Variants in CEACAM21 observed in about 807,000 individuals in gnomAD.
CEACAM21 encodes cell adhesion molecule CEACAM21.
Under a neutral mutation model 33.2 loss-of-function variants are expected in CEACAM21, and 38 were observed. The observed-to-expected ratio is 1.14, with a 90% CI of 0.88 to 1.50. The LOEUF (loss-of-function observed/expected upper bound fraction) is 1.50, where lower values mean the gene tolerates loss of function less well. Ranked by LOEUF, CEACAM21 falls within the 40% of genes most tolerant of loss-of-function variation. The pLI is 0.00. For synonymous variants in CEACAM21, 156 were observed against 143.0 expected (o/e 1.09, Z -0.65); for missense variants, 385 against 364.6 (o/e 1.06, Z -0.46).
chr19:41,552,641 G>GAATCA (rs2041284654), intron 1 of CEACAM21, among the ~76,000 whole-genome samples: 1 of 152,156 alleles, frequency 6.6e-6, no homozygotes, highest in South Asian at 2.1e-4. Context: ...TTTATCACAA[G>GAATCA]AATCATAGGG....
intron 1 of CEACAM21, among the ~76,000 whole-genome samples, chr19:41,550,918 T>A (rs1555784058): frequency 1.3e-5 from 2 of 152,214 alleles, no homozygotes; most frequent in East Asian, 3.8e-4. Flanking sequence ...TATGATGGAC[T>A]GAGCATCATG....
In CEACAM21 at chr19:41,577,464, A is replaced by G. The variant is rs1555791704; in HGVS notation, c.329A>G (p.Gln110Arg). ...TCACCCAGTGGAGATCTGCATTTCC[A>G]GAACGTCACCCTAGAGGACACGGGA... ...TISPSGDLHFQNVTLEDTGYY... is the reference protein window; with the variant it reads ...TISPSGDLHFRNVTLEDTGYY... The change falls in exon 2 of 7, where the codon CAG (glutamine) becomes CGG (arginine). Residue 110 changes from glutamine (Q) to arginine (R), a missense_variant. By Grantham distance (43) the Gln-to-Arg change is conservative. Coordinates refer to ENST00000401445, the MANE Select transcript of CEACAM21 (RefSeq NM_001098506.4). The G allele has an allele frequency of 3.7e-6, 6 of 1,613,616 alleles. No homozygotes were observed. Among genetic ancestry groups the G allele is most frequent in the Non-Finnish European group, 8.5e-7 (1 of 1,179,890 alleles).
At position 41,576,218 on chromosome 19, in the gene CEACAM21, C is replaced by T. The variant is rs375614286; in HGVS notation, c.-57C>T. On this transcript the variant is annotated 5_prime_UTR_variant, in exon 1 of 7. Coordinates refer to ENST00000401445, the MANE Select transcript of CEACAM21 (RefSeq NM_001098506.4). ...ACAGTCACAGTAACCCTGTCTAGAGCGTTCCTGGAGCCCAAGCTCCTCTCC... is the reference window on the plus strand; with the variant it reads ...ACAGTCACAGTAACCCTGTCTAGAGTGTTCCTGGAGCCCAAGCTCCTCTCC... The T allele has an allele frequency of 1.1e-5, 18 of 1,590,790 alleles. No individual in the cohort carries two copies. In the African/African-American group the frequency reaches 1.9e-4, roughly 17 times the overall value.
intron 2 of CEACAM21, among the ~76,000 whole-genome samples, chr19:41,570,724 C>T (rs943341332): frequency 6.6e-6 from 1 of 152,138 alleles, no homozygotes; most frequent in Non-Finnish European, 1.5e-5. Context: ...GCGTGGAGGG[C>T]TGGGGTTGTG....
chr19:41,585,609 G>T, intron 5 of CEACAM21, 114 bp downstream of exon 5: 1 of 1,256,466 alleles, frequency 8.0e-7, no homozygotes, highest in Non-Finnish European at 1.1e-6. Context: ...GCTGCAAAGA[G>T]GATCCCATAA....
rs180696273 is a variant in CEACAM21, at chr19:41,577,541, C to T, written c.406C>T (p.His136Tyr). Reference sequence around the variant, plus strand: ...AAATTCTCAGATTGAACAGGCATCTCACCATCTCCGTGTATACGGTGAGTG... The same window carrying T: ...AAATTCTCAGATTGAACAGGCATCTTACCATCTCCGTGTATACGGTGAGTG... ...YRNSQIEQASHHLRVYESVAQ... is the reference protein window; with the variant it reads ...YRNSQIEQASYHLRVYESVAQ... The change falls in exon 2 of 7, where the codon CAC becomes TAC. Residue 136 changes from histidine to tyrosine, a missense_variant. Transcript: ENST00000401445. 47 of 1,613,924 alleles carry T rather than the reference C, an allele frequency of 2.9e-5. No homozygotes were observed. In the East Asian group the frequency reaches 8.5e-4, roughly 29 times the overall value.
chr19:41,585,933 G>A, intron 6 of CEACAM21, 62 bp downstream of exon 6: 4 of 1,548,508 alleles, frequency 2.6e-6, no homozygotes, highest in Middle Eastern at 1.7e-4. Flanking sequence ...GCTCAGGGCA[G>A]GGGGACTGTC....
In CEACAM21 at chr19:41,577,240, G is replaced by C. The variant is rs782016215; in HGVS notation, c.105G>C (p.Trp35Cys). 6.2e-7 allele frequency: 1 copy of C among 1,614,038 alleles called. No homozygotes were observed. The highest frequency in any genetic ancestry group is 1.1e-5 in the South Asian group (1 of 91,074). ...TCTGGAACGCACCCACCACTGCCTG[G>C]CTCTTTATTGCATCAGCGCCCTTTG... ...LTFWNAPTTA[W>C]LFIASAPFEV... Residue 35 changes from tryptophan (W) to cysteine (C), a missense_variant, in exon 2 of 7, where the codon TGG becomes TGC. Coordinates refer to ENST00000401445, the MANE Select transcript of CEACAM21 (RefSeq NM_001098506.4).
chr19:41,562,032 G>T (rs1279356421), intron 1 of CEACAM21, among the ~76,000 whole-genome samples: 1 of 152,174 alleles, frequency 6.6e-6, no homozygotes, highest in Non-Finnish European at 1.5e-5. Flanking sequence ...GATCACCTGA[G>T]GTCAGGAGTT....
chr19:41,579,335 T>A lies in CEACAM21; in HGVS notation c.425-18T>A. 4.3e-6 allele frequency: 7 copies of A among 1,613,982 alleles called. No homozygotes were observed. The highest frequency in any genetic ancestry group is 5.9e-6 in the Non-Finnish European group (7 of 1,179,882). On this transcript the variant is annotated intron_variant, in intron 2 of 6. Transcript: ENST00000401445. Reference sequence around the variant, plus strand: ...AGCATGGCCCCAAGACACTTTCTGTTGGTCACTCTATCCACAGAGTCAGTG... The same window carrying A: ...AGCATGGCCCCAAGACACTTTCTGTAGGTCACTCTATCCACAGAGTCAGTG...
At position 41,584,454 on chromosome 19, in the gene CEACAM21, T is replaced by A; in HGVS notation, c.797+11T>A. ...CCGAAAAACTGGCAGGTACCACAGC[T>A]TTTCCCCATTCTGCTCCCATCCTTC... On this transcript the variant is annotated intron_variant, in intron 4 of 6. Transcript: ENST00000401445. 1 of 1,595,688 alleles carries A rather than the reference T, an allele frequency of 6.3e-7. No individual in the cohort carries two copies. The highest frequency in any genetic ancestry group is 8.5e-7 in the Non-Finnish European group (1 of 1,170,220).
In CEACAM21 at chr19:41,584,369, C is replaced by T; in HGVS notation, c.723C>T (p.Ile241=). The T allele has an allele frequency of 6.2e-7, 1 of 1,611,744 alleles. No individual in the cohort carries two copies. Among genetic ancestry groups the T allele is most frequent in the Non-Finnish European group, 8.5e-7 (1 of 1,178,818 alleles). The part of the protein sequence containing the change: ...TVKSDDNTLG[I]LIGVLVGSLL... Reference sequence around the variant, plus strand: ...CAGCAGATGACAACACTCTAGGCATCCTGATCGGGGTCCTGGTTGGGAGTC... The same window carrying T: ...CAGCAGATGACAACACTCTAGGCATTCTGATCGGGGTCCTGGTTGGGAGTC... The change falls in exon 4 of 7, where the codon ATC becomes ATT. Residue 241 remains isoleucine (I), a synonymous_variant. Coordinates refer to ENST00000401445, the MANE Select transcript of CEACAM21 (RefSeq NM_001098506.4).
intron 2 of CEACAM21, among the ~76,000 whole-genome samples, chr19:41,566,344 A>G (rs1555788345): frequency 6.6e-6 from 1 of 152,256 alleles, no homozygotes; most frequent in African/African-American, 2.4e-5. Context: ...ATTTTTAAAA[A>G]TAAATCAAGG....
rs782065863 is a variant in CEACAM21, at chr19:41,584,476, C to T, written c.797+33C>T. 33 of 1,565,114 alleles carry T rather than the reference C, an allele frequency of 2.1e-5. No individual in the cohort carries two copies. The East Asian group carries it at 6.7e-4, about 32-fold the overall frequency. ...AGCTTTTCCCCATTCTGCTCCCATC[C>T]TTCACGCTGACCCCAGGCGAGAAGG... is the stretch of plus-strand genomic sequence containing the variant. On this transcript the variant is annotated intron_variant, in intron 4 of 6. Transcript: ENST00000401445.
At chr19:41,569,925 GAC>G (rs1356382750) in intron 2 of CEACAM21, among the ~76,000 whole-genome samples, 6 of 152,166 alleles carry the variant, frequency 3.9e-5, no homozygotes, top group Non-Finnish European at 8.8e-5. Context: ...CTGACTTGCA[GAC>G]ACACAGGGTG....
At chr19:41,566,728 G>A (rs529079841) in intron 2 of CEACAM21, among the ~76,000 whole-genome samples, 3 of 152,272 alleles carry the variant, frequency 2.0e-5, no homozygotes, top group African/African-American at 7.2e-5. Flanking sequence ...TGGTTGAGGA[G>A]GAGCTTGAAA....
intron 1 of CEACAM21, chr19:41,551,210 A>C (rs1600113665): frequency 7.8e-6 from 1 of 128,388 alleles, no homozygotes; most frequent in Non-Finnish European, 1.5e-5. Flanking sequence ...CCCAGGCTGG[A>C]GTGTAATGGT....
upstream of CEACAM21, among the ~76,000 whole-genome samples, chr19:41,571,637 C>T (rs2042619248): frequency 6.6e-6 from 1 of 152,198 alleles, no homozygotes; most frequent in South Asian, 2.1e-4. Context: ...TGTTTATGTT[C>T]AAATTTGTAG....
At chr19:41,585,080 C>T (rs1247314501) in intron 4 of CEACAM21, among the ~76,000 whole-genome samples, 3 of 152,186 alleles carry the variant, frequency 2.0e-5, no homozygotes, top group Non-Finnish European at 4.4e-5. Context: ...ATGCAGTCCC[C>T]TCAGTGTCCT....
Sources: allele counts gnomAD v4.1 joint callset (sites outside exome capture counted in the v4.1 genomes callset), GRCh38; gene constraint gnomAD v4.1.1; transcripts MANE v1.5; gene names NCBI Gene and HGNC (gene_info 2026-07-23, HGNC 2026-07-21).